SNX25: variants seen among roughly 807,000 people sequenced by gnomAD.
SNX25 encodes sorting nexin-25.
Under a neutral mutation model 113.7 loss-of-function variants are expected in SNX25, and 62 were observed. The observed-to-expected ratio is 0.55, with a 90% confidence interval of 0.44 to 0.67. The LOEUF (loss-of-function observed/expected upper bound fraction) is 0.67, where lower values mean the gene tolerates loss of function less well. SNX25 is among the 30% of genes least tolerant of loss of function. The pLI is 0.00. For synonymous variants in SNX25, 421 were observed against 436.2 expected (o/e 0.97, Z 0.43); for missense variants, 1,014 against 1,161.0 (o/e 0.87, Z 1.84).
Position 185,236,984 on chromosome 4 carries a change from T to TA in SNX25, c.430-10309dup, listed in dbSNP as rs143921358. ...TCAGTTTAATTCCTTACATCTATAA[T>TA]AGAGAATGTATTTCTGCTGTTTATG... On this transcript the variant is annotated intron_variant, in intron 1 of 18. Transcript: ENST00000652585. 3.5e-3 allele frequency among the ~76,000 whole-genome samples: 539 copies of TA among 152,338 alleles called. 13 individuals are homozygous for TA. The East Asian group carries it at 0.066, about 19-fold the overall frequency.
chr4:185,277,321 G>A (rs951902557), intron 5 of SNX25, among the ~76,000 whole-genome samples: 26 of 152,068 alleles, frequency 1.7e-4, no homozygotes, highest in Non-Finnish European at 1.8e-4. Context: ...CTGAACCTGG[G>A]CCATCTTCTC....
In SNX25 at chr4:185,353,575, A is replaced by AT; in HGVS notation, c.2559dup (p.Gly854TrpfsTer5). The AT allele has an allele frequency of 6.2e-7, 1 of 1,614,080 alleles. No individual in the cohort carries two copies. Among genetic ancestry groups the AT allele is most frequent in the Non-Finnish European group, 8.5e-7 (1 of 1,179,964 alleles). ...CTTGGCTGAACCATGTTTCATGTTG[A>AT]TTGGGGAGATTTTTGAACTTCGAGG... On this transcript the variant is annotated frameshift_variant, in exon 15 of 19. Coordinates refer to ENST00000652585, the MANE Select transcript of SNX25 (RefSeq NM_001378034.2). LOFTEE classifies it high-confidence loss of function.
rs559784369 is a variant in SNX25 at position 185,319,096 on chromosome 4, T to A, written c.1345-1637T>A. On this transcript the variant is annotated intron_variant, in intron 7 of 18. Transcript: ENST00000652585. ...TTTCCCCTTTATTTTATTTTATTTT[T>A]TTTATTTTTTTTTTTTTAAAGGACA... Among the ~76,000 whole-genome samples, 366 of 124,146 alleles carry A rather than the reference T, an allele frequency of 2.9e-3. 1 individual carries two copies. The highest frequency in any genetic ancestry group is 6.3e-3 in the Admixed American group (73 of 11,640). The allele number at this position is 124,146 out of a possible 152,430, so 81.4% of individuals were successfully genotyped here.
chr4:185,260,189 TAAAAG>T (rs1429518289), intron 3 of SNX25, among the ~76,000 whole-genome samples: 1 of 133,194 alleles, frequency 7.5e-6, no homozygotes, highest in African/African-American at 2.5e-5. Context: ...TTTTCTTACT[TAAAAG>T]AAAGTAAAAC....
At chr4:185,375,516 G>A in the SNX25 span, 1,416 of 44,888 alleles carry the variant, frequency 0.032, 20 homozygotes, top group Admixed American at 0.041. Context: ...ATATATATAT[G>A]TATATATATA....
At chr4:185,357,178 C>G (rs745314205) in intron 15 of SNX25, among the ~76,000 whole-genome samples, 1 of 152,094 alleles carries the variant, frequency 6.6e-6, no homozygotes, top group Admixed American at 6.5e-5. Flanking sequence ...CTCCCAAATG[C>G]GTAGTATATA....
chr4:185,330,762 C>T (rs2126703880), intron 9 of SNX25, among the ~76,000 whole-genome samples: 1 of 152,138 alleles, frequency 6.6e-6, no homozygotes, highest in Admixed American at 6.5e-5. Flanking sequence ...GGTCTCTGAA[C>T]TGTTGGTTGT....
chr4:185,338,030 G>A (rs889567699), intron 10 of SNX25, among the ~76,000 whole-genome samples: 9 of 152,264 alleles, frequency 5.9e-5, no homozygotes, highest in South Asian at 4.1e-4. Flanking sequence ...TTATGGTTTT[G>A]TTGAGTTTTA....
At chr4:185,297,815 T>G (rs1243516902) in intron 6 of SNX25, among the ~76,000 whole-genome samples, 1 of 150,788 alleles carries the variant, frequency 6.6e-6, no homozygotes, top group Non-Finnish European at 1.5e-5. Context: ...ACCTTCATCA[T>G]CTCATCTAAA....
intron 4 of SNX25, among the ~76,000 whole-genome samples, chr4:185,266,442 C>T (rs1748095204): frequency 6.6e-6 from 1 of 152,092 alleles, no homozygotes; most frequent in Admixed American, 6.6e-5. Flanking sequence ...CTCACTGCAA[C>T]CTCTGCCTCC....
intron 13 of SNX25, among the ~76,000 whole-genome samples, chr4:185,350,831 C>T (rs1469563693): frequency 1.3e-5 from 2 of 152,196 alleles, no homozygotes; most frequent in African/African-American, 4.8e-5. Flanking sequence ...CACTGCACGA[C>T]ATCCTGGATG....
chr4:185,240,622 C>G (rs1179728691), intron 1 of SNX25, among the ~76,000 whole-genome samples: 3 of 150,546 alleles, frequency 2.0e-5, no homozygotes, highest in South Asian at 2.1e-4. Context: ...CCTCACCTCC[C>G]GGACGGAGCG....
At chr4:185,290,264 A>G (rs1579641305) in intron 6 of SNX25, among the ~76,000 whole-genome samples, 1 of 152,234 alleles carries the variant, frequency 6.6e-6, no homozygotes, top group Non-Finnish European at 1.5e-5. Context: ...GATTCAGCCC[A>G]TAACAGTTAT....
At chr4:185,226,564 C>T (rs2126384937) in intron 1 of SNX25, among the ~76,000 whole-genome samples, 1 of 152,334 alleles carries the variant, frequency 6.6e-6, no homozygotes, top group South Asian at 2.1e-4. Flanking sequence ...AGTCCTCCCA[C>T]CTCAACCTCC....
chr4:185,239,970 T>TAAC (rs986152101), intron 1 of SNX25, among the ~76,000 whole-genome samples: 8 of 150,618 alleles, frequency 5.3e-5, no homozygotes, highest in Non-Finnish European at 1.2e-4. Context: ...TGATGACTCT[T>TAAC]AACGAGCATG....
At chr4:185,314,324 C>CAAAAAA (rs35324892) in intron 7 of SNX25, among the ~76,000 whole-genome samples, 3 of 75,344 alleles carry the variant, frequency 4.0e-5, no homozygotes, top group South Asian at 4.5e-4. Flanking sequence ...CCCCTCTCTA[C>CAAAAAA]AAAAAAAAAA....
At chr4:185,300,113 C>T (rs546459738) in intron 6 of SNX25, among the ~76,000 whole-genome samples, 1 of 151,948 alleles carries the variant, frequency 6.6e-6, no homozygotes, top group Non-Finnish European at 1.5e-5. Flanking sequence ...TACACAAACA[C>T]ATAGACACTG....
intron 1 of SNX25, among the ~76,000 whole-genome samples, chr4:185,243,731 G>T (rs1744423506): frequency 6.6e-6 from 1 of 152,132 alleles, no homozygotes; most frequent in Non-Finnish European, 1.5e-5. Context: ...TTCAGATGTA[G>T]TCAGTAGTGA....
chr4:185,315,403 C>T (rs1330079412), intron 7 of SNX25, among the ~76,000 whole-genome samples: 1 of 150,430 alleles, frequency 6.6e-6, no homozygotes, highest in Admixed American at 6.6e-5. Context: ...AAGCAATTCT[C>T]CTCCCTCAGC....
Sources: allele counts gnomAD v4.1 joint callset (sites outside exome capture counted in the v4.1 genomes callset), GRCh38; gene constraint gnomAD v4.1.1; transcripts MANE v1.5; gene names NCBI Gene and HGNC (gene_info 2026-07-23, HGNC 2026-07-21).